NREP: variants seen among roughly 807,000 people sequenced by gnomAD.
NREP encodes neuronal regeneration related protein, also known as neuronal regeneration-related protein.
NREP carries 5 observed loss-of-function variants against 8.6 expected under a neutral mutation model. The ratio of observed to expected loss-of-function variants is 0.58; its 90% CI spans 0.30 to 1.22. NREP has a LOEUF of 1.22. Among genes scored for constraint, NREP ranks in the 50% most tolerant of loss-of-function variants. The probability of loss-of-function intolerance (pLI) is 0.07; values close to 1 mark genes in which losing one functional copy is unlikely to be tolerated. For synonymous variants in NREP, 27 were observed against 28.0 expected (o/e 0.96, Z 0.11); for missense variants, 86 against 82.5 (o/e 1.04, Z -0.17).
At chr5:111,843,826 G>A (rs1753091340) in intron 2 of NREP, among the ~76,000 whole-genome samples, 1 of 152,180 alleles carries the variant, frequency 6.6e-6, no homozygotes, top group Non-Finnish European at 1.5e-5. Context: ...GGTCCACTGA[G>A]GCGTATCTGG....
At chr5:111,822,866 G>C (rs1459246750) in intron 2 of NREP, among the ~76,000 whole-genome samples, 2 of 152,020 alleles carry the variant, frequency 1.3e-5, no homozygotes, top group Non-Finnish European at 2.9e-5. Context: ...GAAAAATGGA[G>C]AACATCAACA....
At chr5:111,738,066 T>C (rs1051713638) in intron 2 of NREP, among the ~76,000 whole-genome samples, 2 of 152,186 alleles carry the variant, frequency 1.3e-5, no homozygotes, top group African/African-American at 4.8e-5. Context: ...TTGGCTGGTA[T>C]CTAAGAACTC....
chr5:111,938,951 T>C (rs1324163302), intron 2 of NREP, among the ~76,000 whole-genome samples: 1 of 152,080 alleles, frequency 6.6e-6, no homozygotes, highest in African/African-American at 2.4e-5. Context: ...TTATGGCTTG[T>C]AGTAGCTGGA....
intron 2 of NREP, among the ~76,000 whole-genome samples, chr5:111,763,759 T>TGA (rs1751018749): frequency 1.5e-5 from 1 of 64,720 alleles, no homozygotes; most frequent in Non-Finnish European, 4.1e-5. Context: ...TCTGTATGTG[T>TGA]GTGTGTGTGT....
intron 2 of NREP, among the ~76,000 whole-genome samples, chr5:111,764,802 T>G (rs956207480): frequency 2.0e-5 from 3 of 152,164 alleles, no homozygotes; most frequent in Non-Finnish European, 4.4e-5. Flanking sequence ...CTTCAGACAT[T>G]AGATGGTATG....
chr5:111,919,869 G>GAGAGAGAAAGAAAGAAAGAA (rs1400988710), intron 2 of NREP, among the ~76,000 whole-genome samples: 1 of 125,034 alleles, frequency 8.0e-6, no homozygotes, highest in Non-Finnish European at 1.6e-5. Context: ...CTTGAAGAGA[G>GAGAGAGAAAGAAAGAAAGAA]AGAAAGAAAG....
At chr5:111,872,067 T>C (rs996558462) in intron 2 of NREP, among the ~76,000 whole-genome samples, 1 of 151,280 alleles carries the variant, frequency 6.6e-6, no homozygotes, top group African/African-American at 2.4e-5. Flanking sequence ...AATAAATATA[T>C]ATACACACAC....
chr5:111,891,810 C>T (rs901859725), intron 2 of NREP, among the ~76,000 whole-genome samples: 2 of 152,148 alleles, frequency 1.3e-5, no homozygotes, highest in African/African-American at 4.8e-5. Flanking sequence ...ATCGTGAGGA[C>T]AGCACCAAGG....
chr5:111,869,780 G>C (rs1164846161), intron 2 of NREP, among the ~76,000 whole-genome samples: 5 of 152,300 alleles, frequency 3.3e-5, no homozygotes, highest in African/African-American at 1.2e-4. Flanking sequence ...AGGGAGCAAG[G>C]AGAGGAATTT....
At chr5:111,923,465 G>A (rs552449) in intron 2 of NREP, among the ~76,000 whole-genome samples, 1,607 of 152,302 alleles carry the variant, frequency 0.011, 28 homozygotes, top group African/African-American at 0.036. Context: ...TGAAGTGAGA[G>A]CAAGTTTTTA....
At chr5:111,758,170 G>T (rs1177643111), upstream of NREP, 1 of 985,570 alleles carries the variant, frequency 1.0e-6, no homozygotes, top group Non-Finnish European at 1.2e-6. Context: ...GAAGCCCGGG[G>T]CGGGGAGCGC....
At chr5:111,757,746 G>A, upstream of NREP, 2 of 983,792 alleles carry the variant, frequency 2.0e-6, no homozygotes, top group Non-Finnish European at 2.4e-6. Context: ...GGAGCACGGC[G>A]CGCGCAAATC....
At chr5:111,735,621 C>T in intron 2 of NREP, 114 bp from the exon 3 acceptor site, 1 of 690,982 alleles carries the variant, frequency 1.4e-6, no homozygotes. Flanking sequence ...TTCCCGACTA[C>T]CACTTAGAGC....
chr5:111,885,553 G>A (rs1169278091), intron 2 of NREP, among the ~76,000 whole-genome samples: 8 of 152,182 alleles, frequency 5.3e-5, no homozygotes, highest in Non-Finnish European at 7.4e-5. Flanking sequence ...GAGGCATCAC[G>A]CTACCTGACT....
chr5:111,760,210 T>A (rs1429761231), upstream of NREP, among the ~76,000 whole-genome samples: 1 of 152,196 alleles, frequency 6.6e-6, no homozygotes, highest in Non-Finnish European at 1.5e-5. Context: ...ACCCATCAGA[T>A]GCCTGTAGGA....
intron 2 of NREP, among the ~76,000 whole-genome samples, chr5:111,891,119 C>G (rs77098390): frequency 0.044 from 6,709 of 152,224 alleles, 483 homozygotes; most frequent in African/African-American, 0.15. Flanking sequence ...TGAGCACAGG[C>G]TATTAGATGC....
chr5:111,840,207 C>G (rs1752995533), intron 2 of NREP, among the ~76,000 whole-genome samples: 1 of 151,956 alleles, frequency 6.6e-6, no homozygotes, highest in African/African-American at 2.4e-5. Context: ...GGGTATATAA[C>G]ACGGTTCAGG....
intron 2 of NREP, among the ~76,000 whole-genome samples, chr5:111,946,244 A>C (rs1755979994): frequency 6.6e-6 from 1 of 152,012 alleles, no homozygotes; most frequent in Non-Finnish European, 1.5e-5. Flanking sequence ...AAAAAAAAAA[A>C]ATGGGCATAG....
chr5:111,794,342 CT>C (rs1323321125), intron 2 of NREP, among the ~76,000 whole-genome samples: 1 of 152,192 alleles, frequency 6.6e-6, no homozygotes, highest in South Asian at 2.1e-4. Context: ...GAGTTAAAAA[CT>C]TGTGTCTCCA....
Sources: allele counts gnomAD v4.1 joint callset (sites outside exome capture counted in the v4.1 genomes callset), GRCh38; gene constraint gnomAD v4.1.1; transcripts MANE v1.5; gene names NCBI Gene and HGNC (gene_info 2026-07-23, HGNC 2026-07-21).